The following PPP1R13B variants were observed in gnomAD, a reference collection of about 807,000 sequenced individuals.
The protein encoded by PPP1R13B is apoptosis-stimulating of p53 protein 1.
A neutral mutation model predicts 119.8 loss-of-function variants in PPP1R13B; 44 were observed. That is an observed-to-expected ratio of 0.37 (90% CI 0.29 to 0.47). The LOEUF is 0.47. Among genes scored for constraint, PPP1R13B ranks in the 20% least tolerant of loss-of-function variants. The probability of loss-of-function intolerance (pLI) is 0.99; values close to 1 mark genes in which losing one functional copy is unlikely to be tolerated. For missense variants in PPP1R13B, 1,227 were observed against 1,413.5 expected, an observed-to-expected ratio of 0.87 and a Z score of 2.12; for synonymous variants, 542 against 561.5, an observed-to-expected ratio of 0.97 and a Z score of 0.49.
chr14:103,828,883 T>G (rs1369604619), intron 1 of PPP1R13B, among the ~76,000 whole-genome samples: 1 of 152,216 alleles, frequency 6.6e-6, no homozygotes, highest in African/African-American at 2.4e-5. Context: ...TTTCCAGCCA[T>G]GCGTCTTCAT....
intron 1 of PPP1R13B, among the ~76,000 whole-genome samples, chr14:103,805,117 G>A (rs143890559): frequency 4.6e-5 from 7 of 152,070 alleles, no homozygotes; most frequent in East Asian, 1.9e-4. Flanking sequence ...GATTACAGGC[G>A]TGAGCCACTA....
In PPP1R13B at chr14:103,822,878, A is replaced by C. The variant is rs116283138; in HGVS notation, c.9+24421T>G. On this transcript the variant is annotated intron_variant, in intron 1 of 16. Transcript: ENST00000202556. Reference sequence around the variant, plus strand: ...ACAGGAACAAGGAAAAGAACCATTTATGACATGCAAATGAATGAGGTAGGT... The same window carrying C: ...ACAGGAACAAGGAAAAGAACCATTTCTGACATGCAAATGAATGAGGTAGGT... Among the ~76,000 whole-genome samples, 283 of 152,288 alleles carry C rather than the reference A, an allele frequency of 1.9e-3. 1 individual carries two copies. The highest frequency in any genetic ancestry group is 6.5e-3 in the African/African-American group (272 of 41,568).
intron 1 of PPP1R13B, among the ~76,000 whole-genome samples, chr14:103,843,888 G>C (rs935571826): frequency 2.6e-5 from 4 of 151,840 alleles, no homozygotes; most frequent in African/African-American, 9.7e-5. Context: ...AGGAGGCAGA[G>C]GTTGCAGTGA....
At position 103,751,003 on chromosome 14, in the gene PPP1R13B, A is replaced by AC. The variant is rs760628043; in HGVS notation, c.829-1070_829-1069insG. On this transcript the variant is annotated intron_variant, in intron 7 of 16. Transcript: ENST00000202556. ...ACTCCGTCTCTAATAAAAATACAAAAATTAGCCAGGTATGGTGGCGGGTGC... is the reference window on the plus strand; with the variant it reads ...ACTCCGTCTCTAATAAAAATACAAAACATTAGCCAGGTATGGTGGCGGGTGC... 1.2e-3 allele frequency among the ~76,000 whole-genome samples: 184 copies of AC among 151,078 alleles called. 1 individual carries two copies. The highest frequency in any genetic ancestry group is 2.4e-3 in the Non-Finnish European group (164 of 67,848).
intron 1 of PPP1R13B, among the ~76,000 whole-genome samples, chr14:103,803,618 G>A (rs2085951459): frequency 6.6e-6 from 1 of 152,020 alleles, no homozygotes; most frequent in Admixed American, 6.6e-5. Context: ...ACTCCAGCCT[G>A]GGCAACAGAG....
chr14:103,778,019 T>C (rs932282053), intron 4 of PPP1R13B, among the ~76,000 whole-genome samples: 5 of 151,648 alleles, frequency 3.3e-5, no homozygotes, highest in African/African-American at 9.7e-5. Flanking sequence ...TGGTGCGATC[T>C]TGGCTCACTC....
rs570989910 is a variant in PPP1R13B at position 103,802,983 on chromosome 14, T to C, written c.10-5465A>G. ...ATTTCATTATAATCATGGCAGACTT[T>C]AAAGCTTTCTAGAGAAATTAAGCTG... is the stretch of plus-strand genomic sequence containing the variant. On this transcript the variant is annotated intron_variant, in intron 1 of 16. Coordinates refer to ENST00000202556, the MANE Select transcript of PPP1R13B (RefSeq NM_015316.3). Among the ~76,000 whole-genome samples, 47 of 152,328 alleles carry C rather than the reference T, an allele frequency of 3.1e-4. No homozygotes were observed. The South Asian group carries it at 7.5e-3, about 24-fold the overall frequency.
At chr14:103,833,518 C>T (rs1456223348) in intron 1 of PPP1R13B, among the ~76,000 whole-genome samples, 1 of 152,074 alleles carries the variant, frequency 6.6e-6, no homozygotes, top group Non-Finnish European at 1.5e-5. Flanking sequence ...TTGTGCACAC[C>T]TGTAATGCCA....
intron 2 of PPP1R13B, among the ~76,000 whole-genome samples, chr14:103,796,515 C>T (rs887342606): frequency 3.3e-5 from 5 of 152,104 alleles, no homozygotes; most frequent in Admixed American, 6.5e-5. Context: ...TCGTATACTT[C>T]GTATACTGCT....
chr14:103,753,302 G>T, intron 6 of PPP1R13B, 106 bp from the exon 7 acceptor site: 1 of 1,163,328 alleles, frequency 8.6e-7, no homozygotes, highest in Non-Finnish European at 1.2e-6. Flanking sequence ...GCCAGACCGT[G>T]GAGAAAGCTG....
In PPP1R13B at chr14:103,796,143, C is replaced by A. The variant is rs2085752382; in HGVS notation, c.157+1228G>T. ...CCTGTTTCTACAAAAATTAGCCGGG[C>A]ATGGTGGTGCATGCCTGTAGTCCCA... On this transcript the variant is annotated intron_variant, in intron 2 of 16. Coordinates refer to ENST00000202556, the MANE Select transcript of PPP1R13B (RefSeq NM_015316.3). Among the ~76,000 whole-genome samples, 3 of 152,002 alleles carry A rather than the reference C, an allele frequency of 2.0e-5. No individual in the cohort carries two copies. In the South Asian group the frequency reaches 6.2e-4, roughly 32 times the overall value.
intron 2 of PPP1R13B, among the ~76,000 whole-genome samples, chr14:103,792,187 T>TGTGTGTGTGTGC (rs2085639223): frequency 7.3e-6 from 1 of 136,544 alleles, no homozygotes; most frequent in Non-Finnish European, 1.7e-5. Context: ...TGTGTGTGTG[T>TGTGTGTGTGTGC]GTGTGTGTGT....
chr14:103,810,845 T>G (rs906162240), intron 1 of PPP1R13B, among the ~76,000 whole-genome samples: 3 of 151,138 alleles, frequency 2.0e-5, no homozygotes, highest in African/African-American at 7.3e-5. Flanking sequence ...TCCCAGCACT[T>G]TGGGAAGCTG....
chr14:103,770,038 T>C (rs1256166279), intron 4 of PPP1R13B, among the ~76,000 whole-genome samples: 1 of 152,140 alleles, frequency 6.6e-6, no homozygotes, highest in African/African-American at 2.4e-5. Context: ...CATGCTATTT[T>C]AGTCTATAAA....
At chr14:103,825,985 CA>C (rs959580830) in intron 1 of PPP1R13B, among the ~76,000 whole-genome samples, 24 of 152,050 alleles carry the variant, frequency 1.6e-4, no homozygotes, top group Non-Finnish European at 3.4e-4. Flanking sequence ...GCTGAAATTA[CA>C]GGTGCCCACC....
intron 1 of PPP1R13B, among the ~76,000 whole-genome samples, chr14:103,802,209 T>C (rs1415049532): frequency 1.3e-5 from 2 of 152,138 alleles, no homozygotes; most frequent in Non-Finnish European, 2.9e-5. Flanking sequence ...ATCGGGAGGC[T>C]GAGGCAGGAC....
At chr14:103,759,220 A>G (rs940170068) in intron 4 of PPP1R13B, 1 of 152,206 alleles carries the variant, frequency 6.6e-6, no homozygotes, top group Non-Finnish European at 1.5e-5. Flanking sequence ...GGCCTCCCAA[A>G]GTGCTGGGAT....
chr14:103,814,716 T>C (rs922759375), intron 1 of PPP1R13B, among the ~76,000 whole-genome samples: 2 of 152,128 alleles, frequency 1.3e-5, no homozygotes, highest in African/African-American at 4.8e-5. Flanking sequence ...GAAGCCAAGG[T>C]GGGCGGATCA....
At chr14:103,781,798 C>A (rs1230345708) in intron 3 of PPP1R13B, among the ~76,000 whole-genome samples, 4 of 152,026 alleles carry the variant, frequency 2.6e-5, no homozygotes, top group Non-Finnish European at 5.9e-5. Context: ...ACTACAGGCG[C>A]CTGCCACCAC....
Sources: allele counts gnomAD v4.1 joint callset (sites outside exome capture counted in the v4.1 genomes callset), GRCh38; gene constraint gnomAD v4.1.1; transcripts MANE v1.5; gene names NCBI Gene and HGNC (gene_info 2026-07-23, HGNC 2026-07-21).